Variants in CNTN5 observed in about 807,000 individuals in gnomAD.
CNTN5 encodes contactin-5.
CNTN5 carries 77 observed loss-of-function variants against 129.1 expected under a neutral mutation model. That is an observed-to-expected ratio of 0.60 (90% confidence interval 0.50 to 0.72). The LOEUF is 0.72. CNTN5 is among the 30% of genes least tolerant of loss of function. The pLI is 0.00. For synonymous variants in CNTN5, 509 were observed against 465.6 expected (o/e 1.09, Z -1.20); for missense variants, 1,478 against 1,328.8 (o/e 1.11, Z -1.75).
chr11:99,141,875 C>T (rs543516453), intron 1 of CNTN5, among the ~76,000 whole-genome samples: 6 of 152,122 alleles, frequency 3.9e-5, no homozygotes, highest in East Asian at 1.9e-4. Flanking sequence ...GGTATGATTT[C>T]GATTTCTTTG....
At chr11:99,525,393 AT>A (rs1357515430) in intron 2 of CNTN5, among the ~76,000 whole-genome samples, 1 of 152,234 alleles carries the variant, frequency 6.6e-6, no homozygotes, top group Non-Finnish European at 1.5e-5. Flanking sequence ...ACTAAGTACA[AT>A]AGTCACTATT....
chr11:100,279,941 T>G (rs1311543489), intron 18 of CNTN5, among the ~76,000 whole-genome samples: 1 of 150,188 alleles, frequency 6.7e-6, no homozygotes, highest in African/African-American at 2.4e-5. Context: ...ATTTAGGCAC[T>G]TATAGCTATG....
intron 13 of CNTN5, among the ~76,000 whole-genome samples, chr11:100,092,102 G>A (rs536411525): frequency 6.6e-6 from 1 of 152,132 alleles, no homozygotes; most frequent in Non-Finnish European, 1.5e-5. Flanking sequence ...ACTTTTTTAT[G>A]GTTAAAATAG....
intron 2 of CNTN5, among the ~76,000 whole-genome samples, chr11:99,481,447 A>G (rs1174357651): frequency 6.6e-6 from 1 of 151,946 alleles, no homozygotes; most frequent in Non-Finnish European, 1.5e-5. Flanking sequence ...TCCCTTATTC[A>G]CTGTTGTATC....
intron 3 of CNTN5, among the ~76,000 whole-genome samples, chr11:99,565,597 G>T (rs776039032): frequency 2.0e-5 from 3 of 152,106 alleles, no homozygotes; most frequent in Non-Finnish European, 2.9e-5. Context: ...TATTCAAAGA[G>T]AATCATTTAC....
chr11:99,129,008 C>A (rs888908660), intron 1 of CNTN5, among the ~76,000 whole-genome samples: 2 of 152,150 alleles, frequency 1.3e-5, no homozygotes, highest in South Asian at 2.1e-4. Flanking sequence ...TAAGGAAAAA[C>A]CAAGCAAAAA....
chr11:99,924,723 T>A (rs915174530), intron 7 of CNTN5, among the ~76,000 whole-genome samples: 2 of 152,170 alleles, frequency 1.3e-5, no homozygotes, highest in African/African-American at 4.8e-5. Flanking sequence ...AATATGTTTT[T>A]AAATTGTAAT....
intron 1 of CNTN5, among the ~76,000 whole-genome samples, chr11:99,098,466 A>C (rs1866576242): frequency 6.6e-6 from 1 of 152,026 alleles, no homozygotes; most frequent in East Asian, 1.9e-4. Flanking sequence ...GAAAAAGCAG[A>C]AGACTTTATG....
chr11:99,523,673 A>T (rs61911084), intron 2 of CNTN5, among the ~76,000 whole-genome samples: 3,069 of 68,046 alleles, frequency 0.045, 51 homozygotes, highest in Middle Eastern at 0.052. Context: ...TCAGAACAGA[A>T]CAGAACAGAA....
intron 3 of CNTN5, among the ~76,000 whole-genome samples, chr11:99,656,898 C>T (rs1378333730): frequency 6.6e-6 from 1 of 151,620 alleles, no homozygotes; most frequent in Non-Finnish European, 1.5e-5. Flanking sequence ...GTAGAAAACC[C>T]CTGTAGAAGT....
intron 1 of CNTN5, among the ~76,000 whole-genome samples, chr11:99,298,252 C>G (rs188226693): frequency 1.1e-4 from 16 of 152,294 alleles, no homozygotes; most frequent in African/African-American, 3.6e-4. Flanking sequence ...CCCAGAATCA[C>G]AGCAGATTCA....
At chr11:99,294,864 C>T (rs1420075596) in intron 1 of CNTN5, among the ~76,000 whole-genome samples, 3 of 152,196 alleles carry the variant, frequency 2.0e-5, no homozygotes, top group Non-Finnish European at 2.9e-5. Flanking sequence ...TTTCCCCTCA[C>T]ATGTCCACTC....
intron 1 of CNTN5, among the ~76,000 whole-genome samples, chr11:99,262,791 T>C (rs1385480048): frequency 6.6e-6 from 1 of 152,084 alleles, no homozygotes; most frequent in Non-Finnish European, 1.5e-5. Flanking sequence ...AAAATATTTA[T>C]GCATTTCTTC....
intron 1 of CNTN5, among the ~76,000 whole-genome samples, chr11:99,102,048 G>A (rs1351254034): frequency 6.6e-6 from 1 of 152,126 alleles, no homozygotes; most frequent in Non-Finnish European, 1.5e-5. Context: ...TTGATTTTGT[G>A]TGCCTACAGT....
intron 3 of CNTN5, among the ~76,000 whole-genome samples, chr11:99,741,842 G>T (rs1943897144): frequency 6.6e-6 from 1 of 151,904 alleles, no homozygotes. Context: ...GCTATGTTTG[G>T]TGTTATACAT....
At chr11:99,925,991 T>A (rs1950053547) in intron 7 of CNTN5, among the ~76,000 whole-genome samples, 1 of 152,270 alleles carries the variant, frequency 6.6e-6, no homozygotes, top group Admixed American at 6.5e-5. Flanking sequence ...ACCATTGGTC[T>A]GTCTGTTAAA....
At chr11:100,212,164 T>G (rs1044658109) in intron 15 of CNTN5, among the ~76,000 whole-genome samples, 1 of 152,156 alleles carries the variant, frequency 6.6e-6, no homozygotes, top group African/African-American at 2.4e-5. Flanking sequence ...TTAAATCATA[T>G]TTTACATTCT....
At chr11:100,014,513 G>A (rs536398293) in intron 9 of CNTN5, among the ~76,000 whole-genome samples, 2 of 152,146 alleles carry the variant, frequency 1.3e-5, no homozygotes, top group South Asian at 4.1e-4. Flanking sequence ...CCTGGGAGGC[G>A]GAGGTTGCAG....
At chr11:99,504,439 G>C (rs922520436) in intron 2 of CNTN5, among the ~76,000 whole-genome samples, 4 of 150,856 alleles carry the variant, frequency 2.7e-5, no homozygotes, top group Non-Finnish European at 5.9e-5. Flanking sequence ...TACTTGGGAG[G>C]CTGAGGTAGG....
Sources: allele counts gnomAD v4.1 joint callset (sites outside exome capture counted in the v4.1 genomes callset), GRCh38; gene constraint gnomAD v4.1.1; transcripts MANE v1.5; gene names NCBI Gene and HGNC (gene_info 2026-07-23, HGNC 2026-07-21).